The following PARD3 variants were observed in gnomAD, a reference collection of about 807,000 sequenced individuals.
The protein encoded by PARD3 is par-3 family cell polarity regulator.
PARD3 carries 75 observed loss-of-function variants against 155.4 expected under a neutral mutation model. The observed-to-expected ratio is 0.48, with a 90% confidence interval of 0.40 to 0.58. PARD3 has a LOEUF of 0.58. PARD3 is among the 20% of genes least tolerant of loss of function. The probability of loss-of-function intolerance (pLI) is 0.00; values close to 1 mark genes in which losing one functional copy is unlikely to be tolerated. For missense variants in PARD3, 1,642 were observed against 1,721.7 expected, an observed-to-expected ratio of 0.95 and a Z score of 0.82; for synonymous variants, 576 against 610.5, an observed-to-expected ratio of 0.94 and a Z score of 0.83.
At chr10:34,301,818 CTTTTTTTTTT>C (rs5784408) in intron 20 of PARD3, among the ~76,000 whole-genome samples, 22 of 125,828 alleles carry the variant, frequency 1.7e-4, no homozygotes, top group African/African-American at 6.6e-4. Context: ...TTTCTCCTTT[CTTTTTTTTTT>C]TTTTTTTTTT....
At chr10:34,345,311 G>T in intron 15 of PARD3, 1 of 985,360 alleles carries the variant, frequency 1.0e-6, no homozygotes, top group African/African-American at 1.7e-5. Context: ...TGTTCACATA[G>T]GAATGCATCA....
At chr10:34,605,948 C>CCTA (rs2090358535) in intron 2 of PARD3, among the ~76,000 whole-genome samples, 2 of 84,042 alleles carry the variant, frequency 2.4e-5, no homozygotes, top group African/African-American at 1.2e-4. Flanking sequence ...TATATATCTC[C>CCTA]TATATATATA....
chr10:34,609,101 C>A (rs959110348), intron 2 of PARD3, among the ~76,000 whole-genome samples: 2 of 152,134 alleles, frequency 1.3e-5, no homozygotes, highest in African/African-American at 4.8e-5. Flanking sequence ...ATGAATAAGT[C>A]ATTCATAATT....
At chr10:34,423,396 C>T (rs2075421664) in intron 5 of PARD3, among the ~76,000 whole-genome samples, 1 of 152,066 alleles carries the variant, frequency 6.6e-6, no homozygotes, top group Non-Finnish European at 1.5e-5. Flanking sequence ...ATCTACTGTA[C>T]AACATAGTCA....
At chr10:34,463,476 G>C (rs2077811645) in intron 4 of PARD3, among the ~76,000 whole-genome samples, 1 of 152,060 alleles carries the variant, frequency 6.6e-6, no homozygotes, top group Admixed American at 6.5e-5. Context: ...TTTCATTAAG[G>C]CTTCTATCTA....
intron 2 of PARD3, among the ~76,000 whole-genome samples, chr10:34,668,891 G>A (rs1238283224): frequency 6.6e-6 from 1 of 152,018 alleles, no homozygotes; most frequent in African/African-American, 2.4e-5. Flanking sequence ...AAGATAGATT[G>A]GGTATTAATT....
chr10:34,432,449 G>C (rs531604290), intron 5 of PARD3, among the ~76,000 whole-genome samples: 1 of 151,770 alleles, frequency 6.6e-6, no homozygotes, highest in African/African-American at 2.4e-5. Context: ...GATAATAAGA[G>C]AGTAAGTTTG....
At chr10:34,809,877 T>C (rs1262602242) in intron 1 of PARD3, among the ~76,000 whole-genome samples, 1 of 152,242 alleles carries the variant, frequency 6.6e-6, no homozygotes, top group Non-Finnish European at 1.5e-5. Context: ...CTTGCCTCTA[T>C]TTTCTTTCAA....
intron 20 of PARD3, among the ~76,000 whole-genome samples, chr10:34,284,832 A>G (rs1199974164): frequency 3.9e-5 from 6 of 152,212 alleles, no homozygotes; most frequent in Non-Finnish European, 7.4e-5. Context: ...ACTCTCCTAA[A>G]TGTGATAAAA....
At chr10:34,209,811 T>C (rs1951652917) in intron 22 of PARD3, among the ~76,000 whole-genome samples, 1 of 152,236 alleles carries the variant, frequency 6.6e-6, no homozygotes, top group African/African-American at 2.4e-5. Context: ...TGTTAGCTAT[T>C]ATTAGTTATC....
At chr10:34,287,147 A>T (rs1956437642) in intron 20 of PARD3, among the ~76,000 whole-genome samples, 2 of 152,200 alleles carry the variant, frequency 1.3e-5, no homozygotes, top group Non-Finnish European at 2.9e-5. Flanking sequence ...ATTTAAAGCC[A>T]GGGCATTCAC....
chr10:34,602,401 C>T (rs1407968414), intron 2 of PARD3, among the ~76,000 whole-genome samples: 2 of 152,078 alleles, frequency 1.3e-5, no homozygotes, highest in Admixed American at 6.6e-5. Flanking sequence ...GTTTCCTGCT[C>T]TAATTATGAA....
intron 10 of PARD3, 107 bp from the exon 11 acceptor site, chr10:34,375,109 A>C (rs1385907939): frequency 1.2e-6 from 1 of 802,488 alleles, no homozygotes; most frequent in Non-Finnish European, 2.0e-6. Context: ...AGGACTAGCC[A>C]TATCTGCTAT....
intron 12 of PARD3, among the ~76,000 whole-genome samples, chr10:34,365,411 C>G (rs529449509): frequency 6.6e-6 from 1 of 152,220 alleles, no homozygotes; most frequent in African/African-American, 2.4e-5. Flanking sequence ...CATCAAAAAC[C>G]TCCATAACAT....
At chr10:34,473,291 G>T (rs772056908) in intron 3 of PARD3, among the ~76,000 whole-genome samples, 1 of 152,072 alleles carries the variant, frequency 6.6e-6, no homozygotes, top group Admixed American at 6.6e-5. Context: ...GTACTCCCAC[G>T]CAATTTCAGG....
intron 2 of PARD3, among the ~76,000 whole-genome samples, chr10:34,579,493 G>GT (rs1554775533): frequency 1.3e-5 from 2 of 151,004 alleles, no homozygotes; most frequent in Non-Finnish European, 2.9e-5. Flanking sequence ...AAAAAAATAC[G>GT]TAAGAAGCCT....
intron 5 of PARD3, among the ~76,000 whole-genome samples, chr10:34,405,645 G>A (rs770675225): frequency 2.0e-5 from 3 of 152,140 alleles, no homozygotes; most frequent in African/African-American, 7.2e-5. Context: ...GAGGGGTCTA[G>A]GATTTTTACA....
intron 1 of PARD3, among the ~76,000 whole-genome samples, chr10:34,712,050 CAGA>C (rs1238106832): frequency 1.1e-4 from 17 of 152,168 alleles, no homozygotes; most frequent in African/African-American, 3.9e-4. Context: ...GAATCTTAGG[CAGA>C]AGAAGTGAGC....
intron 20 of PARD3, among the ~76,000 whole-genome samples, chr10:34,289,443 G>A (rs1204840106): frequency 2.0e-5 from 3 of 152,046 alleles, no homozygotes; most frequent in Non-Finnish European, 4.4e-5. Flanking sequence ...ACCCGCACCA[G>A]ATTCCCAAAG....
Sources: allele counts gnomAD v4.1 joint callset (sites outside exome capture counted in the v4.1 genomes callset), GRCh38; gene constraint gnomAD v4.1.1; transcripts MANE v1.5; gene names NCBI Gene and HGNC (gene_info 2026-07-23, HGNC 2026-07-21).